ADH1A: variants seen among roughly 807,000 people sequenced by gnomAD.
ADH1A encodes alcohol dehydrogenase 1A (class I), alpha polypeptide.
Under a neutral mutation model 35.2 loss-of-function variants are expected in ADH1A, and 29 were observed. That is an observed-to-expected ratio of 0.82 (90% CI 0.61 to 1.12). The LOEUF (loss-of-function observed/expected upper bound fraction) is 1.12. Among genes scored for constraint, ADH1A ranks in the 50% most tolerant of loss-of-function variants. The pLI, the probability that ADH1A is intolerant of heterozygous loss-of-function variation, is 0.00. For synonymous variants in ADH1A, 147 were observed against 164.8 expected, an observed-to-expected ratio of 0.89 and a Z score of 0.83; for missense variants, 469 against 464.7, an observed-to-expected ratio of 1.01 and a Z score of -0.09.
intron 3 of ADH1A, 43 bp from the exon 4 acceptor site, chr4:99,284,846 G>A (rs1167268813): frequency 6.5e-7 from 1 of 1,544,374 alleles, no homozygotes; most frequent in Non-Finnish European, 8.9e-7. Flanking sequence ...TTCTATCCAG[G>A]TATTAATAGA....
chr4:99,286,511 C>A (rs1275478115), intron 3 of ADH1A, among the ~76,000 whole-genome samples: 1 of 152,114 alleles, frequency 6.6e-6, no homozygotes, highest in Non-Finnish European at 1.5e-5. Flanking sequence ...GACAGAAGAC[C>A]GTGTTCACCA....
intron 3 of ADH1A, 80 bp downstream of exon 3, chr4:99,286,770 T>A: frequency 6.3e-7 from 1 of 1,579,990 alleles, no homozygotes; most frequent in Non-Finnish European, 8.6e-7. Context: ...CTTTCGTCCC[T>A]CTTTGCCTCT....
intron 8 of ADH1A, among the ~76,000 whole-genome samples, chr4:99,277,850 C>T (rs1022722773): frequency 5.3e-5 from 8 of 151,926 alleles, no homozygotes; most frequent in African/African-American, 1.9e-4. Context: ...AGTAAACATG[C>T]TGAAACACAT....
At chr4:99,283,630 A>C (rs1205192660) in intron 5 of ADH1A, among the ~76,000 whole-genome samples, 1 of 152,194 alleles carries the variant, frequency 6.6e-6, no homozygotes, top group Admixed American at 6.5e-5. Flanking sequence ...GGAGATTAGT[A>C]AAAGATATTT....
At chr4:99,282,713 A>T in intron 5 of ADH1A, 107 bp from the exon 6 acceptor site, 1 of 1,499,720 alleles carries the variant, frequency 6.7e-7, no homozygotes, top group Non-Finnish European at 8.9e-7. Context: ...TGTTATCAAA[A>T]CCTCTTTTGG....
chr4:99,289,596 T>C (rs1733241633), intron 1 of ADH1A, among the ~76,000 whole-genome samples: 1 of 152,222 alleles, frequency 6.6e-6, no homozygotes. Context: ...ACAACACAAC[T>C]ACTTTATGAA....
rs201380866 is a variant in ADH1A, at chr4:99,284,635, A to C, written c.348-17T>G. 120 of 1,614,016 alleles carry C rather than the reference A, an allele frequency of 7.4e-5. 1 individual carries two copies. Among genetic ancestry groups the C allele is most frequent in the Admixed American group, 5.5e-4 (33 of 60,032 alleles). On this transcript the variant is annotated splice_polypyrimidine_tract_variant and intron_variant, in intron 4 of 8. Transcript: ENST00000209668. ...TTGCTTACACTGGACAGTGCAATAC[A>C]AAGACACACAAAGGCATGAGACAGG...
chr4:99,277,573 C>G (rs1310837661), intron 8 of ADH1A, among the ~76,000 whole-genome samples: 1 of 151,992 alleles, frequency 6.6e-6, no homozygotes, highest in East Asian at 1.9e-4. Context: ...AACCTAGAAA[C>G]AATCATTCTC....
intron 8 of ADH1A, chr4:99,278,475 C>A (rs372945195): frequency 6.6e-6 from 1 of 152,022 alleles, no homozygotes; most frequent in Admixed American, 6.6e-5. Context: ...AGACTGACAC[C>A]GAGCATTGCC....
In ADH1A at chr4:99,282,356, A is replaced by G; in HGVS notation, c.818T>C (p.Leu273Pro). 1 of 1,614,202 alleles carries G rather than the reference A, an allele frequency of 6.2e-7. No individual in the cohort carries two copies. Among genetic ancestry groups the G allele is most frequent in the Non-Finnish European group, 8.5e-7 (1 of 1,180,022 alleles). The change falls in exon 6 of 9, where the codon CTT becomes CCT. Residue 273 changes from leucine to proline, a missense_variant. Physicochemically the swap from Leu to Pro is moderately conservative, Grantham distance 98. Transcript: ENST00000209668. ...VDFSFEVIGR[L>P]DTMMASLLCC... ...TGTCATGGTACATACCATGGTGTCA[A>G]GCCGACCGATGACTTCAAATGAAAA...
At chr4:99,288,073 A>T (rs554136245) in intron 1 of ADH1A, among the ~76,000 whole-genome samples, 7 of 152,276 alleles carry the variant, frequency 4.6e-5, no homozygotes, top group African/African-American at 1.7e-4. Flanking sequence ...CATAAAATAC[A>T]CTGTTTTCTT....
chr4:99,284,657 C>A (rs1733098381), intron 4 of ADH1A, 39 bp from the exon 5 acceptor site: 1 of 1,613,524 alleles, frequency 6.2e-7, no homozygotes, highest in African/African-American at 1.3e-5. Flanking sequence ...AGGCATGAGA[C>A]AGGACCATAA....
chr4:99,279,366 G>A (rs969499706), intron 8 of ADH1A, 60 bp downstream of exon 8: 46 of 1,535,282 alleles, frequency 3.0e-5, no homozygotes, highest in Non-Finnish European at 3.9e-5. Flanking sequence ...TTCATTTTCT[G>A]CTAGACAATC....
chr4:99,287,759 C>T, intron 1 of ADH1A, 94 bp from the exon 2 acceptor site: 2 of 1,377,014 alleles, frequency 1.5e-6, no homozygotes, highest in East Asian at 2.3e-5. Context: ...ACATCTAATC[C>T]CATGTCTGGT....
intron 1 of ADH1A, among the ~76,000 whole-genome samples, chr4:99,288,336 GGTGTGTGT>G (rs70955994): frequency 1.3e-5 from 2 of 149,656 alleles, no homozygotes; most frequent in African/African-American, 4.9e-5. Flanking sequence ...GTTAGAGTTG[GGTGTGTGT>G]GTGTGTGTGT....
At chr4:99,282,314 G>C (rs898726924) in intron 6 of ADH1A, 32 bp downstream of exon 6, 2 of 1,614,114 alleles carry the variant, frequency 1.2e-6, no homozygotes, top group Non-Finnish European at 8.5e-7. Context: ...AGTTGTAGAG[G>C]CAGAAATCTC....
intron 6 of ADH1A, 145 bp from the exon 7 acceptor site, chr4:99,280,424 T>A: frequency 2.2e-6 from 3 of 1,382,514 alleles, no homozygotes; most frequent in Non-Finnish European, 3.0e-6. Context: ...GTCCCCTTTT[T>A]TGCACGGGAT....
intron 1 of ADH1A, 49 bp downstream of exon 1, chr4:99,290,848 G>T: frequency 6.4e-7 from 1 of 1,554,948 alleles, no homozygotes; most frequent in Non-Finnish European, 8.9e-7. Context: ...TACTTTCTTT[G>T]TTATATTGAT....
intron 8 of ADH1A, chr4:99,278,303 C>G (rs1347364086): frequency 6.6e-6 from 1 of 151,916 alleles, no homozygotes; most frequent in African/African-American, 2.4e-5. Flanking sequence ...TTCCATATAT[C>G]CATGCGCTCT....
Sources: allele counts gnomAD v4.1 joint callset (sites outside exome capture counted in the v4.1 genomes callset), GRCh38; gene constraint gnomAD v4.1.1; transcripts MANE v1.5; gene names NCBI Gene and HGNC (gene_info 2026-07-23, HGNC 2026-07-21).